PPFIA2: variants seen among roughly 807,000 people sequenced by gnomAD.
The protein encoded by PPFIA2 is liprin-alpha-2.
In PPFIA2, 46 loss-of-function variants were observed where a neutral mutation model predicts 175.5. The ratio of observed to expected loss-of-function variants is 0.26; its 90% CI spans 0.21 to 0.34. The LOEUF is 0.34. PPFIA2 is among the 10% of genes least tolerant of loss of function. The probability of loss-of-function intolerance (pLI) is 1.00; values close to 1 mark genes in which losing one functional copy is unlikely to be tolerated. For missense variants in PPFIA2, 1,179 were observed against 1,506.1 expected (o/e 0.78, Z 3.60); for synonymous variants, 568 against 511.4 (o/e 1.11, Z -1.49).
At chr12:81,342,731 G>A (rs1389260690) in intron 19 of PPFIA2, among the ~76,000 whole-genome samples, 1 of 151,896 alleles carries the variant, frequency 6.6e-6, no homozygotes, top group African/African-American at 2.4e-5. Flanking sequence ...ACAGTTCTGT[G>A]ATCCCACCAT....
intron 4 of PPFIA2, among the ~76,000 whole-genome samples, chr12:81,478,840 T>C (rs1302684858): frequency 6.6e-6 from 1 of 152,174 alleles, no homozygotes; most frequent in East Asian, 1.9e-4. Flanking sequence ...CTTCCAATTA[T>C]GTGGTCAATT....
intron 9 of PPFIA2, chr12:81,378,223 G>A (rs2036838159): frequency 6.6e-6 from 1 of 151,946 alleles, no homozygotes; most frequent in Non-Finnish European, 1.5e-5. Context: ...ACTAAATTAT[G>A]GTTGTTTTAA....
At chr12:81,368,648 C>T in intron 13 of PPFIA2, 77 bp downstream of exon 13, 1 of 1,383,410 alleles carries the variant, frequency 7.2e-7, no homozygotes, top group Non-Finnish European at 9.8e-7. Context: ...CTGACCATTA[C>T]AATGATTGCA....
intron 26 of PPFIA2, 145 bp from the exon 27 acceptor site, chr12:81,281,595 G>A (rs928646792): frequency 1.2e-4 from 62 of 531,698 alleles, no homozygotes; most frequent in Non-Finnish European, 1.5e-4. Context: ...CATTTGATTC[G>A]ATTTGGTATA....
chr12:81,341,243 T>G, intron 19 of PPFIA2, 35 bp from the exon 20 acceptor site: 1 of 1,590,896 alleles, frequency 6.3e-7, no homozygotes, highest in Non-Finnish European at 8.6e-7. Context: ...AATAAACCCT[T>G]TCTAAATTTC....
At chr12:81,482,891 T>C in intron 4 of PPFIA2, among the ~76,000 whole-genome samples, 1 of 152,034 alleles carries the variant, frequency 6.6e-6, no homozygotes, top group East Asian at 1.9e-4. Flanking sequence ...TATATATATA[T>C]ATACTGTGCT....
intron 4 of PPFIA2, among the ~76,000 whole-genome samples, chr12:81,619,518 G>A (rs769788148): frequency 2.0e-5 from 3 of 152,092 alleles, no homozygotes; most frequent in Non-Finnish European, 4.4e-5. Context: ...AAAAAAATCT[G>A]TTACTTCCTA....
intron 18 of PPFIA2, among the ~76,000 whole-genome samples, chr12:81,346,961 A>C (rs779599191): frequency 1.1e-4 from 17 of 151,806 alleles, no homozygotes; most frequent in Admixed American, 1.3e-4. Flanking sequence ...AAGGAATCTC[A>C]CTCTGTTGCC....
At chr12:81,356,585 C>G (rs1480114047) in intron 16 of PPFIA2, among the ~76,000 whole-genome samples, 1 of 152,002 alleles carries the variant, frequency 6.6e-6, no homozygotes, top group South Asian at 2.1e-4. Flanking sequence ...ATTGCTTGAG[C>G]TCAGGAATTC....
Position 81,353,968 on chromosome 12 carries a change from T to C in PPFIA2, c.1774-629A>G, listed in dbSNP as rs140122967. On this transcript the variant is annotated intron_variant, in intron 16 of 32. Transcript: ENST00000549396. Reference sequence around the variant, plus strand: ...TATGAAAGTTATGCCCATTCTCTACTGAAGTCTATTAAGTGTATAATTGCA... The same window carrying C: ...TATGAAAGTTATGCCCATTCTCTACCGAAGTCTATTAAGTGTATAATTGCA... Among the ~76,000 whole-genome samples, 395 of 152,296 alleles carry C rather than the reference T, an allele frequency of 2.6e-3. 1 individual carries two copies. Among genetic ancestry groups the C allele is most frequent in the African/African-American group, 9.1e-3 (380 of 41,570 alleles).
intron 11 of PPFIA2, among the ~76,000 whole-genome samples, chr12:81,372,182 A>C (rs1271025377): frequency 6.6e-6 from 1 of 151,782 alleles, no homozygotes; most frequent in Non-Finnish European, 1.5e-5. Flanking sequence ...ATGATATAGG[A>C]AAATTTAAAA....
intron 4 of PPFIA2, among the ~76,000 whole-genome samples, chr12:81,518,175 C>T (rs1292088936): frequency 1.3e-5 from 2 of 152,144 alleles, no homozygotes; most frequent in Non-Finnish European, 2.9e-5. Context: ...GGATCATGGC[C>T]AATTTCACTA....
At position 81,281,379 on chromosome 12, in the gene PPFIA2, G is replaced by T; in HGVS notation, c.3090C>A (p.Pro1030=). The part of the protein sequence containing the change: ...NHEWIGNEWL[P]SLGLPQYRSY... ...TTCTGTACTGAGGTAACCCCAAGCT[G>T]GGAAGCCATTCATTTCCAATCCACT... Residue 1030 remains proline (P), a synonymous_variant, in exon 27 of 33, where the codon CCC becomes CCA. Coordinates refer to ENST00000549396, the MANE Select transcript of PPFIA2 (RefSeq NM_003625.5). 1 of 1,611,048 alleles carries T rather than the reference G, an allele frequency of 6.2e-7. No individual in the cohort carries two copies. Among genetic ancestry groups the T allele is most frequent in the Non-Finnish European group, 8.5e-7 (1 of 1,177,682 alleles).
In PPFIA2 at chr12:81,344,649, A is replaced by G. The variant is rs765703470; in HGVS notation, c.2262+15T>C. On this transcript the variant is annotated intron_variant, in intron 19 of 32. Coordinates refer to ENST00000549396, the MANE Select transcript of PPFIA2 (RefSeq NM_003625.5). Reference sequence around the variant, plus strand: ...AGTATTCAATTCGTAATGATGTAAAAGTTATTTACTGTACCTTTCTCCGAT... The same window carrying G: ...AGTATTCAATTCGTAATGATGTAAAGGTTATTTACTGTACCTTTCTCCGAT... The G allele has an allele frequency of 3.9e-6, 6 of 1,537,458 alleles. No homozygotes were observed. The African/African-American group carries it at 6.8e-5, about 17-fold the overall frequency.
chr12:81,287,480 C>A (rs890075142), intron 24 of PPFIA2, among the ~76,000 whole-genome samples: 7 of 151,856 alleles, frequency 4.6e-5, no homozygotes, highest in African/African-American at 9.7e-5. Context: ...GTATGACTGG[C>A]AAACTTTCAG....
rs73358634 is a variant in PPFIA2 at position 81,445,456 on chromosome 12, G to C, written c.570+100C>G. 8,125 of 1,112,898 alleles carry C rather than the reference G, an allele frequency of 7.3e-3. 430 individuals are homozygous for C. The African/African-American group carries it at 0.11, about 16-fold the overall frequency. The allele number at this position is 1,112,898 out of a possible 1,614,324, so 68.9% of individuals were successfully genotyped here. On this transcript the variant is annotated intron_variant, in intron 6 of 32. Coordinates refer to ENST00000549396, the MANE Select transcript of PPFIA2 (RefSeq NM_003625.5). The stretch of plus-strand genomic sequence containing the variant: ...TATAACTCAAAAGTGTTCCTCAACT[G>C]ACTGACTTTAGGAGTCAGGTGAGTC...
At chr12:81,511,131 C>T (rs1336908275) in intron 4 of PPFIA2, among the ~76,000 whole-genome samples, 1 of 152,020 alleles carries the variant, frequency 6.6e-6, no homozygotes, top group Non-Finnish European at 1.5e-5. Flanking sequence ...GCAATGAAAG[C>T]TGAACACTCC....
At chr12:81,729,665 T>A (rs779786898) in intron 3 of PPFIA2, among the ~76,000 whole-genome samples, 2 of 151,410 alleles carry the variant, frequency 1.3e-5, no homozygotes, top group Non-Finnish European at 3.0e-5. Context: ...AGGAAGAATA[T>A]CCTGGATTAT....
At chr12:81,533,430 A>C (rs541453401) in intron 4 of PPFIA2, among the ~76,000 whole-genome samples, 1 of 151,662 alleles carries the variant, frequency 6.6e-6, no homozygotes, top group East Asian at 1.9e-4. Flanking sequence ...AAAAAAGTAC[A>C]ACCTAGAAGA....
Sources: gnomAD v4.1 joint callset for allele counts (sites outside exome capture counted in the v4.1 genomes callset) on GRCh38, gnomAD v4.1.1 for gene constraint, MANE v1.5 for transcripts, NCBI Gene and HGNC (gene_info 2026-07-23, HGNC 2026-07-21) for gene names.